PIK3C2G: variants seen among roughly 807,000 people sequenced by gnomAD.
The protein encoded by PIK3C2G is phosphatidylinositol 3-kinase C2 domain-containing subunit gamma.
In PIK3C2G, 168 loss-of-function variants were observed where a neutral mutation model predicts 181.1. The observed-to-expected ratio is 0.93, with a 90% CI of 0.82 to 1.05. The LOEUF (loss-of-function observed/expected upper bound fraction) is 1.05. Among genes scored for constraint, PIK3C2G ranks in the 50% least tolerant of loss-of-function variants. PIK3C2G has a pLI of 0.00. For missense variants in PIK3C2G, 1,869 were observed against 1,732.8 expected, an observed-to-expected ratio of 1.08 and a Z score of -1.40; for synonymous variants, 573 against 592.2, an observed-to-expected ratio of 0.97 and a Z score of 0.47.
At chr12:18,415,648 A>C (rs1477275959) in intron 16 of PIK3C2G, among the ~76,000 whole-genome samples, 1 of 152,268 alleles carries the variant, frequency 6.6e-6, no homozygotes, top group African/African-American at 2.4e-5. Context: ...AAGCTTAGAT[A>C]GGCTAAAAGC....
At chr12:18,247,760 T>A (rs1463352323) in exon 1 of PIK3C2G, 1 of 152,178 alleles carries the variant, frequency 6.6e-6, no homozygotes, top group Admixed American at 6.5e-5. Context: ...ATCTTGAACA[T>A]GTCTAGTCCT....
chr12:18,257,762 AAAAAAG>A (rs1477047320), upstream of PIK3C2G, among the ~76,000 whole-genome samples: 9 of 135,226 alleles, frequency 6.7e-5, no homozygotes, highest in African/African-American at 2.3e-4. Flanking sequence ...GGAGGGAGGA[AAAAAAG>A]AAGAAGAAAA....
chr12:18,580,462 G>A (rs1592635969), intron 29 of PIK3C2G, among the ~76,000 whole-genome samples: 1 of 152,104 alleles, frequency 6.6e-6, no homozygotes, highest in East Asian at 1.9e-4. Flanking sequence ...CTTGTTCCCT[G>A]CTTGCTAAAC....
the PIK3C2G span, among the ~76,000 whole-genome samples, chr12:18,678,231 T>C: frequency 2.4e-4 from 37 of 152,192 alleles, no homozygotes; most frequent in Middle Eastern, 6.8e-3. Context: ...AGAACACACA[T>C]TGTCACATCT....
intron 1 of PIK3C2G, among the ~76,000 whole-genome samples, chr12:18,252,543 T>C (rs750431771): frequency 1.4e-4 from 22 of 152,080 alleles, no homozygotes; most frequent in African/African-American, 1.7e-4. Flanking sequence ...CCCAAAGAAA[T>C]AGACACTTGT....
intron 1 of PIK3C2G, among the ~76,000 whole-genome samples, chr12:18,248,295 G>A (rs931026270): frequency 1.3e-5 from 2 of 152,192 alleles, no homozygotes; most frequent in South Asian, 2.1e-4. Flanking sequence ...TCTTCCGGGC[G>A]GGCGCGGTGG....
chr12:18,690,953 A>G, the PIK3C2G span, among the ~76,000 whole-genome samples: 3 of 152,142 alleles, frequency 2.0e-5, no homozygotes, highest in Admixed American at 6.5e-5. Flanking sequence ...CGTATGCATG[A>G]TAATATTAGC....
intron 5 of PIK3C2G, among the ~76,000 whole-genome samples, chr12:18,297,118 T>A (rs896543331): frequency 6.6e-6 from 1 of 152,040 alleles, no homozygotes; most frequent in African/African-American, 2.4e-5. Flanking sequence ...AGATATGAGA[T>A]CCTAGAAAAT....
rs558256965 is a variant in PIK3C2G, at chr12:18,497,655, C to T, written c.2923C>T (p.Gln975Ter). Residue 975 changes from glutamine (Q) to a stop codon, truncating the protein, a stop_gained, in exon 22 of 33, where the codon CAG (glutamine) becomes TAG (stop). Transcript: ENST00000538779. LOFTEE classifies it high-confidence loss of function. ...TCTTCGTCAGGATATGCTTGTTCTG[C>T]AGCTTATTCAAGTGATGGACAATAT... ...DDLRQDMLVLQLIQVMDNIWL... is the reference protein window; with the variant it reads ...DDLRQDMLVL The T allele has an allele frequency of 1.9e-6, 3 of 1,612,456 alleles. No homozygotes were observed. Among genetic ancestry groups the T allele is most frequent in the South Asian group, 1.1e-5 (1 of 91,028 alleles).
At chr12:18,322,716 C>T (rs1361084283) in intron 7 of PIK3C2G, among the ~76,000 whole-genome samples, 5 of 152,196 alleles carry the variant, frequency 3.3e-5, no homozygotes, top group South Asian at 4.1e-4. Context: ...TTTCCATTGC[C>T]CTTCTCTGCC....
In PIK3C2G at chr12:18,529,201, T is replaced by C. The variant is rs368203194; in HGVS notation, c.3324-8955T>C. Among the ~76,000 whole-genome samples, 381 of 151,886 alleles carry C rather than the reference T, an allele frequency of 2.5e-3. 1 individual carries two copies. The highest frequency in any genetic ancestry group is 0.021 in the South Asian group (102 of 4,824). On this transcript the variant is annotated intron_variant, in intron 24 of 32. Coordinates refer to ENST00000538779, the MANE Select transcript of PIK3C2G (RefSeq NM_001288772.2). ...AATTCATACCTTTAAAAACTACAATTAAATGTCATGAAAGGTGGTTGCACT... is the reference window on the plus strand; with the variant it reads ...AATTCATACCTTTAAAAACTACAATCAAATGTCATGAAAGGTGGTTGCACT...
chr12:18,620,919 A>G (rs1948833089), intron 31 of PIK3C2G, among the ~76,000 whole-genome samples: 1 of 152,130 alleles, frequency 6.6e-6, no homozygotes, highest in Non-Finnish European at 1.5e-5. Flanking sequence ...AAAACTGTTT[A>G]GTGGTACAGG....
intron 11 of PIK3C2G, among the ~76,000 whole-genome samples, chr12:18,349,963 A>G (rs1232062459): frequency 6.6e-6 from 1 of 152,180 alleles, no homozygotes; most frequent in Non-Finnish European, 1.5e-5. Context: ...AAATTGTTAC[A>G]TGGGTCTCGA....
intron 30 of PIK3C2G, among the ~76,000 whole-genome samples, chr12:18,606,222 T>C (rs1041559486): frequency 6.6e-6 from 1 of 152,166 alleles, no homozygotes; most frequent in Non-Finnish European, 1.5e-5. Flanking sequence ...GTACTTTTAC[T>C]ATTTAGGCAG....
chr12:18,319,801 A>C (rs1207732900), intron 6 of PIK3C2G, among the ~76,000 whole-genome samples: 2 of 151,970 alleles, frequency 1.3e-5, no homozygotes, highest in African/African-American at 4.8e-5. Flanking sequence ...TCATGACTAC[A>C]GTTTAGCTTT....
chr12:18,367,674 C>T (rs1464810987), intron 12 of PIK3C2G, among the ~76,000 whole-genome samples: 2 of 152,244 alleles, frequency 1.3e-5, no homozygotes, highest in East Asian at 1.9e-4. Flanking sequence ...CCTGCCTCAG[C>T]CTCCCAAGTA....
chr12:18,468,487 C>T (rs957193697), intron 18 of PIK3C2G, among the ~76,000 whole-genome samples: 2 of 152,208 alleles, frequency 1.3e-5, no homozygotes, highest in African/African-American at 4.8e-5. Context: ...TGGTCAGATA[C>T]TTTAAATGCT....
the PIK3C2G span, chr12:18,684,066 G>T: frequency 6.4e-7 from 1 of 1,550,424 alleles, no homozygotes. Flanking sequence ...GTCAAAATGT[G>T]TCTTTGATAT....
intron 29 of PIK3C2G, among the ~76,000 whole-genome samples, chr12:18,586,139 C>G (rs1319228930): frequency 6.6e-6 from 1 of 152,066 alleles, no homozygotes; most frequent in Non-Finnish European, 1.5e-5. Context: ...ACTAAAAGAA[C>G]TAGGGTATCA....
Sources: gnomAD v4.1 joint callset for allele counts (sites outside exome capture counted in the v4.1 genomes callset) on GRCh38, gnomAD v4.1.1 for gene constraint, MANE v1.5 for transcripts, NCBI Gene and HGNC (gene_info 2026-07-23, HGNC 2026-07-21) for gene names.